The following TAMM41 variants were observed in gnomAD, a reference collection of about 807,000 sequenced individuals.
TAMM41 encodes phosphatidate cytidylyltransferase, mitochondrial.
Under a neutral mutation model 44.1 loss-of-function variants are expected in TAMM41, and 36 were observed. The observed-to-expected ratio is 0.82, with a 90% CI of 0.63 to 1.08. The LOEUF (loss-of-function observed/expected upper bound fraction) is 1.08, where lower values mean the gene tolerates loss of function less well. Ranked by LOEUF, TAMM41 falls within the 50% of genes least tolerant of loss-of-function variation. TAMM41 has a pLI of 0.00. For missense variants in TAMM41, 417 were observed against 404.3 expected (o/e 1.03, Z -0.27); for synonymous variants, 164 against 153.1 (o/e 1.07, Z -0.53).
the TAMM41 span, among the ~76,000 whole-genome samples, chr3:11,728,155 T>C: frequency 6.6e-6 from 1 of 152,358 alleles, no homozygotes; most frequent in Admixed American, 6.5e-5. Context: ...TGAAATTTTA[T>C]GTAGGTTTTA....
chr3:11,844,517 A>G (rs2079587365), intron 1 of TAMM41, among the ~76,000 whole-genome samples: 1 of 152,140 alleles, frequency 6.6e-6, no homozygotes. Flanking sequence ...TATTATCTCA[A>G]TTTTATAAGA....
chr3:11,828,126 C>A (rs762102835), intron 4 of TAMM41, among the ~76,000 whole-genome samples: 4 of 152,212 alleles, frequency 2.6e-5, no homozygotes, highest in Non-Finnish European at 5.9e-5. Flanking sequence ...TTCTACAACA[C>A]TGGGTTCTCA....
the TAMM41 span, among the ~76,000 whole-genome samples, chr3:11,743,393 G>A: frequency 2.0e-5 from 3 of 149,596 alleles, no homozygotes; most frequent in Non-Finnish European, 4.4e-5. Flanking sequence ...GAGTGCAGTC[G>A]CACAATCTTA....
chr3:11,745,709 C>T, the TAMM41 span, among the ~76,000 whole-genome samples: 1 of 152,100 alleles, frequency 6.6e-6, no homozygotes, highest in African/African-American at 2.4e-5. Flanking sequence ...TTAATGGGTA[C>T]AGAGTTTCAG....
chr3:11,843,984 G>A (rs1412046880), intron 2 of TAMM41, 45 bp downstream of exon 2: 3 of 1,593,216 alleles, frequency 1.9e-6, no homozygotes, highest in Non-Finnish European at 1.7e-6. Flanking sequence ...TAATAACCCA[G>A]GTAAATAACC....
the TAMM41 span, among the ~76,000 whole-genome samples, chr3:11,748,041 A>G: frequency 4.7e-4 from 71 of 150,146 alleles, no homozygotes; most frequent in Middle Eastern, 3.5e-3. Flanking sequence ...CACCTGGCTA[A>G]TTTTTGTATT....
At chr3:11,749,170 A>C in the TAMM41 span, among the ~76,000 whole-genome samples, 159 of 151,854 alleles carry the variant, frequency 1.0e-3, no homozygotes, top group Non-Finnish European at 1.7e-3. Flanking sequence ...ACCTTGGCCT[A>C]CCAAAGTGCT....
At chr3:11,795,357 C>T (rs2077579330) in intron 7 of TAMM41, among the ~76,000 whole-genome samples, 1 of 152,182 alleles carries the variant, frequency 6.6e-6, no homozygotes, top group African/African-American at 2.4e-5. Flanking sequence ...AGGCCAAAAA[C>T]CTGGGAGTTA....
chr3:11,786,721 C>A (rs1464436423), downstream of TAMM41, among the ~76,000 whole-genome samples: 1 of 152,196 alleles, frequency 6.6e-6, no homozygotes, highest in Non-Finnish European at 1.5e-5. Flanking sequence ...CCACCTCAAC[C>A]TCCTGAGTAG....
the TAMM41 span, among the ~76,000 whole-genome samples, chr3:11,783,282 G>A: frequency 2.0e-5 from 3 of 150,548 alleles, no homozygotes; most frequent in Non-Finnish European, 4.4e-5. Flanking sequence ...GATGATTTTG[G>A]AGCACAGTGA....
chr3:11,741,189 A>C, the TAMM41 span, among the ~76,000 whole-genome samples: 4 of 132,350 alleles, frequency 3.0e-5, 1 homozygote, highest in African/African-American at 1.3e-4. Flanking sequence ...ATTGCACTCC[A>C]GCCAGGTACA....
rs552964397 is a variant in TAMM41 at position 11,809,834 on chromosome 3, A to C, written c.709-152T>G. 39 of 676,492 alleles carry C rather than the reference A, an allele frequency of 5.8e-5. 1 individual carries two copies. The highest frequency in any genetic ancestry group is 1.0e-4 in the Admixed American group (3 of 30,034). The allele number at this position is 676,492 out of a possible 1,614,324, so 41.9% of individuals were successfully genotyped here. On this transcript the variant is annotated intron_variant, in intron 5 of 7. Transcript: ENST00000455809. ...AAGCTAAGGAAACTCTCTTTTTCTGAAACTGAATGGGTAAGTGTTCAGGAG... is the reference window on the plus strand; with the variant it reads ...AAGCTAAGGAAACTCTCTTTTTCTGCAACTGAATGGGTAAGTGTTCAGGAG...
the TAMM41 span, among the ~76,000 whole-genome samples, chr3:11,733,020 A>T: frequency 3.9e-4 from 48 of 123,038 alleles, no homozygotes; most frequent in Admixed American, 7.1e-4. Context: ...TTGTTTTGAG[A>T]TGGAGTCTTG....
intron 3 of TAMM41, among the ~76,000 whole-genome samples, chr3:11,836,009 A>G (rs1185332292): frequency 1.0e-5 from 1 of 100,358 alleles, no homozygotes; most frequent in Non-Finnish European, 2.0e-5. Flanking sequence ...TTTTTTTTTG[A>G]GACTGGGTCT....
the TAMM41 span, among the ~76,000 whole-genome samples, chr3:11,734,291 G>C: frequency 3.2e-4 from 48 of 152,176 alleles, no homozygotes; most frequent in Admixed American, 3.1e-3. Context: ...GGGAGGAGTA[G>C]AATTATCCTT....
chr3:11,842,730 G>A (rs2079508610), intron 2 of TAMM41, among the ~76,000 whole-genome samples: 1 of 151,562 alleles, frequency 6.6e-6, no homozygotes, highest in Non-Finnish European at 1.5e-5. Flanking sequence ...CAGAATCTCA[G>A]GTTCCATCTC....
At chr3:11,722,450 T>C in the TAMM41 span, among the ~76,000 whole-genome samples, 1 of 152,160 alleles carries the variant, frequency 6.6e-6, no homozygotes, top group South Asian at 2.1e-4. Context: ...TACAGTAACC[T>C]AAATTAAAAT....
intron 4 of TAMM41, among the ~76,000 whole-genome samples, chr3:11,818,344 T>G (rs2078367897): frequency 6.6e-6 from 1 of 152,168 alleles, no homozygotes; most frequent in East Asian, 1.9e-4. Context: ...AAGTATAAAC[T>G]GAGCAAACCA....
intron 5 of TAMM41, among the ~76,000 whole-genome samples, chr3:11,815,791 A>G (rs553110652): frequency 6.6e-6 from 1 of 152,292 alleles, no homozygotes; most frequent in African/African-American, 2.4e-5. Context: ...AAAATCAAGA[A>G]ATAATAGTCG....
Sources: gnomAD v4.1 joint callset for allele counts (sites outside exome capture counted in the v4.1 genomes callset) on GRCh38, gnomAD v4.1.1 for gene constraint, MANE v1.5 for transcripts, NCBI Gene and HGNC (gene_info 2026-07-23, HGNC 2026-07-21) for gene names.